The following ACOXL variants were observed in gnomAD, a reference collection of about 807,000 sequenced individuals.
ACOXL encodes acyl-coenzyme A oxidase-like protein.
Under a neutral mutation model 71.9 loss-of-function variants are expected in ACOXL, and 70 were observed. That is an observed-to-expected ratio of 0.97 (90% CI 0.80 to 1.19). The LOEUF (loss-of-function observed/expected upper bound fraction) is 1.19, where lower values mean the gene tolerates loss of function less well. ACOXL is among the 50% of genes most tolerant of loss of function. The probability of loss-of-function intolerance (pLI) is 0.00; values close to 1 mark genes in which losing one functional copy is unlikely to be tolerated. For synonymous variants in ACOXL, 253 were observed against 281.6 expected, an observed-to-expected ratio of 0.90 and a Z score of 1.02; for missense variants, 703 against 736.3, an observed-to-expected ratio of 0.95 and a Z score of 0.52.
intron 10 of ACOXL, among the ~76,000 whole-genome samples, chr2:110,843,382 G>A (rs1043839898): frequency 3.3e-5 from 5 of 152,236 alleles, no homozygotes; most frequent in African/African-American, 1.2e-4. Context: ...CTGTGAAAGT[G>A]GCAGGGAAGC....
intron 11 of ACOXL, among the ~76,000 whole-genome samples, chr2:110,909,453 T>G (rs1237702868): frequency 6.6e-6 from 1 of 152,064 alleles, no homozygotes; most frequent in Non-Finnish European, 1.5e-5. Flanking sequence ...CCAGCACTTG[T>G]GTGTCGTGTT....
Position 110,759,895 on chromosome 2 carries a change from T to C in ACOXL, c.-22-8473T>C, listed in dbSNP as rs547023895. 5.3e-5 allele frequency among the ~76,000 whole-genome samples: 8 copies of C among 152,228 alleles called. No individual in the cohort carries two copies. The South Asian group carries it at 1.5e-3, about 28-fold the overall frequency. ...TTAGGCATATTTAGATGAAAGCTTT[T>C]TCATCTAGGTTCTGTAAATTAAAAA... On this transcript the variant is annotated intron_variant, in intron 1 of 17. Coordinates refer to ENST00000439055, the MANE Select transcript of ACOXL (RefSeq NM_001142807.4).
chr2:110,976,682 A>G (rs1382083835), intron 12 of ACOXL, among the ~76,000 whole-genome samples: 1 of 152,334 alleles, frequency 6.6e-6, no homozygotes, highest in South Asian at 2.1e-4. Flanking sequence ...CCAGAAAACA[A>G]TTAGTCCAAA....
chr2:110,912,298 C>T (rs987300335), intron 11 of ACOXL, among the ~76,000 whole-genome samples: 3 of 151,904 alleles, frequency 2.0e-5, no homozygotes, highest in Non-Finnish European at 4.4e-5. Flanking sequence ...ATAAAGGAAC[C>T]AGTATAGCCA....
intron 9 of ACOXL, among the ~76,000 whole-genome samples, chr2:110,833,950 G>A (rs940880789): frequency 2.6e-5 from 4 of 152,180 alleles, no homozygotes; most frequent in African/African-American, 9.7e-5. Context: ...GCCTGGGGGT[G>A]AGAGGGGTCC....
At chr2:111,008,308 G>A (rs1044123868) in intron 14 of ACOXL, among the ~76,000 whole-genome samples, 1 of 152,102 alleles carries the variant, frequency 6.6e-6, no homozygotes, top group Non-Finnish European at 1.5e-5. Flanking sequence ...ACACAAAAGT[G>A]TACTCAGAGA....
At chr2:111,094,049 C>T (rs1238822994) in intron 17 of ACOXL, 1 of 152,074 alleles carries the variant, frequency 6.6e-6, no homozygotes, top group African/African-American at 2.4e-5. Context: ...AGATGGTGGC[C>T]CAATTGAGAG....
rs954008997 is a variant in ACOXL at position 111,068,713 on chromosome 2, G to A, written c.1440+19425G>A. Among the ~76,000 whole-genome samples, 11 of 152,268 alleles carry A rather than the reference G, an allele frequency of 7.2e-5. No homozygotes were observed. The East Asian group carries it at 1.4e-3, about 19-fold the overall frequency. On this transcript the variant is annotated intron_variant, in intron 16 of 17. Coordinates refer to ENST00000439055, the MANE Select transcript of ACOXL (RefSeq NM_001142807.4). ...ACAATTAATCCAGATGGTCACCGACGGGTTTCTTTCACCTATAAATCCTTG... is the reference window on the plus strand; with the variant it reads ...ACAATTAATCCAGATGGTCACCGACAGGTTTCTTTCACCTATAAATCCTTG...
intron 12 of ACOXL, among the ~76,000 whole-genome samples, chr2:110,973,451 C>T (rs1425158566): frequency 6.6e-6 from 1 of 152,096 alleles, no homozygotes; most frequent in African/African-American, 2.4e-5. Context: ...AGAGTGCTTC[C>T]TTGCCTCTTA....
At chr2:110,814,713 G>C (rs1687720986) in intron 9 of ACOXL, among the ~76,000 whole-genome samples, 1 of 152,168 alleles carries the variant, frequency 6.6e-6, no homozygotes, top group Non-Finnish European at 1.5e-5. Context: ...CATAGTATAT[G>C]AGGATCATAT....
rs780616662 is a variant in ACOXL, at chr2:110,784,771, A to G, written c.115A>G (p.Ile39Val). The G allele has an allele frequency of 2.5e-6, 4 of 1,610,270 alleles. No individual in the cohort carries two copies. In the East Asian group the frequency reaches 6.7e-5, roughly 27 times the overall value. Residue 39 changes from isoleucine to valine, a missense_variant, in exon 3 of 18, where the codon ATA (isoleucine) becomes GTA (valine). Coordinates refer to ENST00000439055, the MANE Select transcript of ACOXL (RefSeq NM_001142807.4). ...TKNFVSRSLV[I>V]GEVLSMADMA... is the part of the protein sequence containing the mutation. ...GAATTTTGTCAGCCGAAGCCTTGTC[A>G]TAGGAGAAGTCCTCTCCATGGCGGA...
intron 1 of ACOXL, among the ~76,000 whole-genome samples, chr2:110,746,791 C>T (rs185822733): frequency 0.014 from 2,201 of 152,054 alleles, 31 homozygotes; most frequent in Non-Finnish European, 0.02. Context: ...GCCTGCTTGT[C>T]GGCCTCCCCC....
At chr2:110,889,961 A>T (rs12476386) in intron 10 of ACOXL, among the ~76,000 whole-genome samples, 4 of 151,988 alleles carry the variant, frequency 2.6e-5, no homozygotes, top group Non-Finnish European at 5.9e-5. Flanking sequence ...TCCACATACT[A>T]GCCATACTTG....
intron 10 of ACOXL, among the ~76,000 whole-genome samples, chr2:110,888,479 C>T (rs1449635115): frequency 6.6e-6 from 1 of 152,144 alleles, no homozygotes; most frequent in Non-Finnish European, 1.5e-5. Context: ...CTCAGGTACA[C>T]TTAAACACAA....
At chr2:110,812,311 T>A (rs1687430027) in intron 9 of ACOXL, among the ~76,000 whole-genome samples, 1 of 151,512 alleles carries the variant, frequency 6.6e-6, no homozygotes. Context: ...CATTTGTCCT[T>A]TTTGTAACCT....
intron 12 of ACOXL, 115 bp downstream of exon 12, chr2:110,933,757 C>G: frequency 1.5e-6 from 2 of 1,330,622 alleles, no homozygotes; most frequent in Non-Finnish European, 2.0e-6. Context: ...CCCAACTGCC[C>G]ATGACTCTGG....
At position 111,117,636 on chromosome 2, in the gene ACOXL, G is replaced by A; in HGVS notation, c.1563G>A (p.Ser521=). ...IRNQLLDLCD[S]VKDDARRVIS... is the part of the protein sequence containing the mutation. ...TGCAGTTGCTGGATTTGTGCGACTCGGTGAAGGATGATGCCCGGAGGGTGA... is the reference window on the plus strand; with the variant it reads ...TGCAGTTGCTGGATTTGTGCGACTCAGTGAAGGATGATGCCCGGAGGGTGA... The change falls in exon 18 of 18, where the codon TCG becomes TCA. Residue 521 remains serine (S), a synonymous_variant. Transcript: ENST00000439055. The A allele has an allele frequency of 6.4e-7, 1 of 1,551,754 alleles. No homozygotes were observed.
intron 5 of ACOXL, chr2:110,796,025 GAAC>G (rs1363220817): frequency 6.6e-6 from 1 of 151,910 alleles, no homozygotes; most frequent in Non-Finnish European, 1.5e-5. Flanking sequence ...CTGGGAGAGA[GAAC>G]AATCCCATCA....
At chr2:110,910,462 A>G (rs763592398) in intron 11 of ACOXL, among the ~76,000 whole-genome samples, 2 of 152,252 alleles carry the variant, frequency 1.3e-5, no homozygotes, top group Non-Finnish European at 2.9e-5. Context: ...TTTTCTTAGA[A>G]TAAATACCTA....
Sources: gnomAD v4.1 joint callset for allele counts (sites outside exome capture counted in the v4.1 genomes callset) on GRCh38, gnomAD v4.1.1 for gene constraint, MANE v1.5 for transcripts, NCBI Gene and HGNC (gene_info 2026-07-23, HGNC 2026-07-21) for gene names.